The following RPS6KL1 variants were observed in gnomAD, a reference collection of about 807,000 sequenced individuals.
The protein encoded by RPS6KL1 is ribosomal protein S6 kinase like 1.
A neutral mutation model predicts 57.0 loss-of-function variants in RPS6KL1; 41 were observed. The observed-to-expected ratio is 0.72, with a 90% confidence interval of 0.56 to 0.93. The LOEUF (loss-of-function observed/expected upper bound fraction) is 0.93, where lower values mean the gene tolerates loss of function less well. RPS6KL1 is among the 40% of genes least tolerant of loss of function. The pLI is 0.00. For missense variants in RPS6KL1, 697 were observed against 727.7 expected (o/e 0.96, Z 0.49); for synonymous variants, 287 against 309.7 (o/e 0.93, Z 0.77).
rs1884663288 is a variant in RPS6KL1, at chr14:74,905,622, A to G, written c.*1392T>C. 1 of 152,218 alleles carries G rather than the reference A, an allele frequency of 6.6e-6. No homozygotes were observed. Among genetic ancestry groups the G allele is most frequent in the Admixed American group, 6.6e-5 (1 of 15,266 alleles). The allele number at this position is 152,218 out of a possible 1,614,324, so 9.4% of individuals were successfully genotyped here. ...TGCCCCAATGAGCCGTGGTCATTGC[A>G]TGGAAGAAGCGAGAACACCGTAGGC... On this transcript the variant is annotated 3_prime_UTR_variant, in exon 12 of 12. Transcript: ENST00000557413.
In RPS6KL1 at chr14:74,908,852, T is replaced by C; in HGVS notation, c.1441A>G (p.Met481Val). 6.2e-7 allele frequency: 1 copy of C among 1,614,032 alleles called. No homozygotes were observed. Among genetic ancestry groups the C allele is most frequent in the Non-Finnish European group, 8.5e-7 (1 of 1,179,924 alleles). The change falls in exon 10 of 12, where the codon ATG (methionine) becomes GTG (valine). Residue 481 changes from methionine to valine, a missense_variant and splice_region_variant. By Grantham distance (21) the Met-to-Val change is conservative. Transcript: ENST00000557413. ...CTACACCCAGCCCAGCCACTCACCA[T>C]TCCCGTCAGCAGTTCATACAGTAGA... The part of the protein sequence containing the change: ...GSLLYELLTG[M>V]ALSQSHPSGI...
chr14:74,910,869 G>GC, intron 7 of RPS6KL1: 1 of 207,286 alleles, frequency 4.8e-6, no homozygotes, highest in Non-Finnish European at 9.7e-6. Context: ...CCAGGGCTCA[G>GC]CTTTTTTTTT....
intron 10 of RPS6KL1, among the ~76,000 whole-genome samples, chr14:74,908,344 T>C (rs888276693): frequency 1.3e-5 from 2 of 152,136 alleles, no homozygotes; most frequent in East Asian, 3.9e-4. Flanking sequence ...CCTGCTCTGA[T>C]TGCAACCTGC....
In RPS6KL1 at chr14:74,911,783, G is replaced by T. The variant is rs1339571355; in HGVS notation, c.531+11C>A. The T allele has an allele frequency of 1.3e-6, 2 of 1,553,750 alleles. No individual in the cohort carries two copies. The highest frequency in any genetic ancestry group is 2.7e-5 in the African/African-American group (2 of 73,138). On this transcript the variant is annotated intron_variant, in intron 6 of 11. Transcript: ENST00000557413. Reference sequence around the variant, plus strand: ...GGGAATGCAGAGTGGCAGGGGCAGGGTGGCACCTGCCTTCACCACAAAGGT... The same window carrying T: ...GGGAATGCAGAGTGGCAGGGGCAGGTTGGCACCTGCCTTCACCACAAAGGT...
rs777184499 is a variant in RPS6KL1, at chr14:74,907,095, C to T, written c.1569G>A (p.Leu523=). 2 of 1,613,632 alleles carry T rather than the reference C, an allele frequency of 1.2e-6. No homozygotes were observed. Among genetic ancestry groups the T allele is most frequent in the Non-Finnish European group, 1.7e-6 (2 of 1,179,786 alleles). Residue 523 remains leucine, a synonymous_variant, in exon 12 of 12, where the codon CTG becomes CTA. Coordinates refer to ENST00000557413, the MANE Select transcript of RPS6KL1 (RefSeq NM_031464.5). ...TGCTGACACCACCTTCTCCCATGCCCAGGCGCCGGGTAGGCTCGAACTGCA... is the reference window on the plus strand; with the variant it reads ...TGCTGACACCACCTTCTCCCATGCCTAGGCGCCGGGTAGGCTCGAACTGCA... ...ELLQFEPTRR[L]GMGEGGVSKL...
At chr14:74,907,633 G>T in intron 10 of RPS6KL1, 103 bp from the exon 11 acceptor site, 1 of 1,066,212 alleles carries the variant, frequency 9.4e-7, no homozygotes, top group Non-Finnish European at 1.3e-6. Context: ...CCCATGAGGA[G>T]GATGACAATA....
chr14:74,921,288 C>T lies in RPS6KL1; in HGVS notation c.254G>A (p.Arg85His), dbSNP rs368110305. ...GCCCCGGTCCTCACCGTGTATGCCA[C>T]GGAGCAGCACGTCCACGCCATTCTG... ...HYQNGVDVLL[R>H]GIHVDPNKER... The change falls in exon 3 of 12, where the codon CGT becomes CAT. Residue 85 changes from arginine to histidine, a missense_variant. By Grantham distance (29) the Arg-to-His change is conservative (BLOSUM62 0). Coordinates refer to ENST00000557413, the MANE Select transcript of RPS6KL1 (RefSeq NM_031464.5). The T allele has an allele frequency of 1.9e-5, 30 of 1,613,564 alleles. No homozygotes were observed. Among genetic ancestry groups the T allele is most frequent in the East Asian group, 1.3e-4 (6 of 44,886 alleles).
At position 74,922,186 on chromosome 14, in the gene RPS6KL1, C is replaced by T; in HGVS notation, c.-229G>A. 1 of 987,248 alleles carries T rather than the reference C, an allele frequency of 1.0e-6. No homozygotes were observed. The highest frequency in any genetic ancestry group is 1.7e-5 in the African/African-American group (1 of 57,336). The allele number at this position is 987,248 out of a possible 1,614,324, so 61.2% of individuals were successfully genotyped here. A position where few individuals can be genotyped will look rare whatever the true frequency, so the allele number is the denominator to read the frequency against. ...GCTGAGGATATCTGTGATCCACAGC[C>T]ACCTTCACAGGGCCTCCGTAGAGCA... On this transcript the variant is annotated 5_prime_UTR_variant, in exon 2 of 12. Coordinates refer to ENST00000557413, the MANE Select transcript of RPS6KL1 (RefSeq NM_031464.5).
rs756696228 is a variant in RPS6KL1, at chr14:74,921,246, C to A, written c.265+31G>T. Reference sequence around the variant, plus strand: ...AGCCCTGCACTGGCCCTTCCCCACCCACCCCAGCCCTGCCCAGCCCCGGTC... The same window carrying A: ...AGCCCTGCACTGGCCCTTCCCCACCAACCCCAGCCCTGCCCAGCCCCGGTC... On this transcript the variant is annotated intron_variant, in intron 3 of 11. Transcript: ENST00000557413. 8 of 948,232 alleles carry A rather than the reference C, an allele frequency of 8.4e-6. No individual in the cohort carries two copies. The African/African-American group carries it at 9.7e-5, about 11-fold the overall frequency. The allele number at this position is 948,232 out of a possible 1,614,324, so 58.7% of individuals were successfully genotyped here.
intron 5 of RPS6KL1, among the ~76,000 whole-genome samples, chr14:74,916,349 G>A (rs531689861): frequency 6.6e-6 from 1 of 152,224 alleles, no homozygotes; most frequent in South Asian, 2.1e-4. Context: ...CTTAAGTTGA[G>A]TACCCAAGAC....
rs761357745 is a variant in RPS6KL1 at position 74,921,436 on chromosome 14, T to A, written c.106A>T (p.Arg36Trp). 1.2e-6 allele frequency: 2 copies of A among 1,614,286 alleles called. No individual in the cohort carries two copies. Among genetic ancestry groups the A allele is most frequent in the Non-Finnish European group, 1.7e-6 (2 of 1,180,046 alleles). ...AHVYLEQIRN[R>W]VALGVPDMTK... ...ATGTCAGGCACTCCCAGAGCCACCC[T>A]GTTGCGAATCTGCTCCAGGTACACG... The change falls in exon 3 of 12, where the codon AGG becomes TGG. Residue 36 changes from arginine to tryptophan, a missense_variant. Coordinates refer to ENST00000557413, the MANE Select transcript of RPS6KL1 (RefSeq NM_031464.5).
intron 8 of RPS6KL1, 137 bp from the exon 9 acceptor site, chr14:74,909,327 C>G (rs1885485111): frequency 9.9e-7 from 1 of 1,009,704 alleles, no homozygotes; most frequent in African/African-American, 1.6e-5. Flanking sequence ...AGGGGCACAG[C>G]ACCCTCCACA....
chr14:74,916,382 A>T (rs757006076), intron 5 of RPS6KL1, among the ~76,000 whole-genome samples: 2 of 152,226 alleles, frequency 1.3e-5, no homozygotes, highest in African/African-American at 2.4e-5. Flanking sequence ...AAAAAAAAGA[A>T]GGGTAGTCCT....
At chr14:74,911,467 A>T in intron 6 of RPS6KL1, 87 bp from the exon 7 acceptor site, 1 of 1,489,002 alleles carries the variant, frequency 6.7e-7, no homozygotes, top group Non-Finnish European at 9.1e-7. Flanking sequence ...CTTCAGGGGC[A>T]CCCGAATGAG....
chr14:74,907,083 T>A lies in RPS6KL1; in HGVS notation c.1581A>T (p.Glu527Asp). 1 of 1,613,788 alleles carries A rather than the reference T, an allele frequency of 6.2e-7. No homozygotes were observed. The highest frequency in any genetic ancestry group is 1.1e-5 in the South Asian group (1 of 90,974). ...GGGACTTGAGTTTGCTGACACCACCTTCTCCCATGCCCAGGCGCCGGGTAG... is the reference window on the plus strand; with the variant it reads ...GGGACTTGAGTTTGCTGACACCACCATCTCCCATGCCCAGGCGCCGGGTAG... ...FEPTRRLGMG[E>D]GGVSKLKSHP... The change falls in exon 12 of 12, where the codon GAA becomes GAT. Residue 527 changes from glutamate (E) to aspartate (D), a missense_variant. Coordinates refer to ENST00000557413, the MANE Select transcript of RPS6KL1 (RefSeq NM_031464.5).
In RPS6KL1 at chr14:74,922,169, T is replaced by C; in HGVS notation, c.-212A>G. 1 of 986,494 alleles carries C rather than the reference T, an allele frequency of 1.0e-6. No homozygotes were observed. The highest frequency in any genetic ancestry group is 4.7e-5 in the South Asian group (1 of 21,424). The allele number at this position is 986,494 out of a possible 1,614,324, so 61.1% of individuals were successfully genotyped here. On this transcript the variant is annotated 5_prime_UTR_variant, in exon 2 of 12. In the 5' UTR this introduces an upstream ATG that the reference lacks. Transcript: ENST00000557413. ...GTTGAGCTCTGGAGAGAGCTGAGGA[T>C]ATCTGTGATCCACAGCCACCTTCAC... is the stretch of plus-strand genomic sequence containing the variant.
chr14:74,908,988 C>G (rs1885402449), intron 9 of RPS6KL1, 56 bp from the exon 10 acceptor site: 2 of 1,573,816 alleles, frequency 1.3e-6, no homozygotes, highest in Non-Finnish European at 1.7e-6. Context: ...CTCTTCCATT[C>G]TCCTCAGCCT....
intron 7 of RPS6KL1, 174 bp downstream of exon 7, chr14:74,911,074 G>T (rs1418070879): frequency 5.1e-6 from 3 of 591,188 alleles, no homozygotes; most frequent in Non-Finnish European, 9.2e-6. Context: ...GTTTCACTAT[G>T]TTGGCCAGGC....
rs976823068 is a variant in RPS6KL1, at chr14:74,908,701, G to C, written c.1443+149C>G. ...TAGCTATAGCCAACTAATGTGTTGG[G>C]AGTGCTAAGTGTGTCCCTGGCTTCG... On this transcript the variant is annotated intron_variant, in intron 10 of 11. Transcript: ENST00000557413. 3 of 700,118 alleles carry C rather than the reference G, an allele frequency of 4.3e-6. No individual in the cohort carries two copies. The African/African-American group carries it at 5.2e-5, about 12-fold the overall frequency. The allele number at this position is 700,118 out of a possible 1,614,324, so 43.4% of individuals were successfully genotyped here.
Sources: gnomAD v4.1 joint callset for allele counts (sites outside exome capture counted in the v4.1 genomes callset) on GRCh38, gnomAD v4.1.1 for gene constraint, MANE v1.5 for transcripts, NCBI Gene and HGNC (gene_info 2026-07-23, HGNC 2026-07-21) for gene names.